The following CAMK1D variants were observed in gnomAD, a reference collection of about 807,000 sequenced individuals.
The protein encoded by CAMK1D is calcium/calmodulin-dependent protein kinase type 1D.
Under a neutral mutation model 47.7 loss-of-function variants are expected in CAMK1D, and 9 were observed. The ratio of observed to expected loss-of-function variants is 0.19; its 90% CI spans 0.11 to 0.33. CAMK1D has a LOEUF of 0.33. Among genes scored for constraint, CAMK1D ranks in the 10% least tolerant of loss-of-function variants. The pLI is 1.00. For synonymous variants in CAMK1D, 184 were observed against 184.9 expected (o/e 0.99, Z 0.04); for missense variants, 291 against 488.7 (o/e 0.60, Z 3.81).
chr10:12,447,562 T>G (rs767412474), intron 1 of CAMK1D, among the ~76,000 whole-genome samples: 2 of 152,128 alleles, frequency 1.3e-5, no homozygotes, highest in Non-Finnish European at 2.9e-5. Context: ...ATTAGCTGAG[T>G]GTAGTTGTGT....
chr10:12,369,050 C>T (rs144769038), intron 1 of CAMK1D, among the ~76,000 whole-genome samples: 51 of 152,218 alleles, frequency 3.4e-4, no homozygotes, highest in Middle Eastern at 6.8e-3. Context: ...CTCCTGACCT[C>T]GTGCTCTGCC....
chr10:12,404,504 GATTT>G (rs998309282), intron 1 of CAMK1D, among the ~76,000 whole-genome samples: 3 of 152,172 alleles, frequency 2.0e-5, no homozygotes, highest in African/African-American at 7.2e-5. Flanking sequence ...TAGTTGCAAA[GATTT>G]AAACAAGTGT....
intron 3 of CAMK1D, among the ~76,000 whole-genome samples, chr10:12,709,068 A>G (rs1011222909): frequency 1.3e-5 from 2 of 152,254 alleles, no homozygotes; most frequent in Non-Finnish European, 2.9e-5. Context: ...GTGGCTACCC[A>G]GGTCCAAGCC....
At chr10:12,430,885 G>GA (rs397750844) in intron 1 of CAMK1D, among the ~76,000 whole-genome samples, 2 of 151,486 alleles carry the variant, frequency 1.3e-5, no homozygotes, top group Non-Finnish European at 2.9e-5. Context: ...TAAGTAGCTG[G>GA]ATTACAGGTG....
At chr10:12,391,260 C>CT (rs537318883) in intron 1 of CAMK1D, among the ~76,000 whole-genome samples, 2 of 151,956 alleles carry the variant, frequency 1.3e-5, no homozygotes, top group South Asian at 2.1e-4. Flanking sequence ...TAGGTGTGCG[C>CT]TTTTTTTTCT....
intron 2 of CAMK1D, among the ~76,000 whole-genome samples, chr10:12,635,717 G>A (rs1448914840): frequency 6.6e-6 from 1 of 152,176 alleles, no homozygotes; most frequent in African/African-American, 2.4e-5. Flanking sequence ...TTGAGGTTAG[G>A]AGTAATGATC....
chr10:12,499,343 G>C (rs916106631), intron 1 of CAMK1D, among the ~76,000 whole-genome samples: 8 of 151,874 alleles, frequency 5.3e-5, no homozygotes, highest in Admixed American at 5.3e-4. Flanking sequence ...TCTCATTCTG[G>C]TAAGAATCCT....
intron 2 of CAMK1D, among the ~76,000 whole-genome samples, chr10:12,588,575 T>C (rs1837889653): frequency 6.6e-6 from 1 of 152,108 alleles, no homozygotes; most frequent in Admixed American, 6.5e-5. Flanking sequence ...AGGAACTTTC[T>C]GTTCCTGGCA....
chr10:12,709,362 A>C (rs1482096998), intron 3 of CAMK1D, among the ~76,000 whole-genome samples: 1 of 152,036 alleles, frequency 6.6e-6, no homozygotes, highest in Middle Eastern at 3.2e-3. Context: ...CAGTGGCTGC[A>C]GAAGGCACCA....
intron 6 of CAMK1D, among the ~76,000 whole-genome samples, chr10:12,794,460 G>GCTCT (rs1838107487): frequency 6.6e-6 from 1 of 152,146 alleles, no homozygotes; most frequent in Admixed American, 6.5e-5. Flanking sequence ...CCAGGATAGA[G>GCTCT]ATCCTGGCAC....
chr10:12,568,496 TCTC>T (rs1300463363), intron 2 of CAMK1D, among the ~76,000 whole-genome samples: 2 of 105,954 alleles, frequency 1.9e-5, no homozygotes, highest in Non-Finnish European at 3.8e-5. Context: ...TCTCTCTCTC[TCTC>T]CTCCTCCCTC....
At chr10:12,409,337 T>C (rs1187416419) in intron 1 of CAMK1D, among the ~76,000 whole-genome samples, 1 of 152,166 alleles carries the variant, frequency 6.6e-6, no homozygotes, top group Non-Finnish European at 1.5e-5. Flanking sequence ...TGAAAATGAC[T>C]ACAGATGAAT....
intron 1 of CAMK1D, among the ~76,000 whole-genome samples, chr10:12,385,954 C>T (rs1216492223): frequency 1.3e-5 from 2 of 152,134 alleles, no homozygotes; most frequent in African/African-American, 4.8e-5. Context: ...GCATGTTGGT[C>T]ACGCTGGTCT....
At chr10:12,739,165 A>G (rs1417303417) in intron 3 of CAMK1D, among the ~76,000 whole-genome samples, 2 of 152,110 alleles carry the variant, frequency 1.3e-5, no homozygotes, top group Non-Finnish European at 2.9e-5. Flanking sequence ...TAAGCCCAGA[A>G]GGCGGAGATT....
At chr10:12,443,969 A>G (rs1448522656) in intron 1 of CAMK1D, among the ~76,000 whole-genome samples, 1 of 152,172 alleles carries the variant, frequency 6.6e-6, no homozygotes, top group Non-Finnish European at 1.5e-5. Flanking sequence ...ATGATATGCT[A>G]AACAAGGGAC....
At position 12,605,223 on chromosome 10, in the gene CAMK1D, G is replaced by A. The variant is rs375138085; in HGVS notation, c.224+51867G>A. 1.1e-4 allele frequency among the ~76,000 whole-genome samples: 17 copies of A among 152,196 alleles called. No homozygotes were observed. The East Asian group carries it at 2.5e-3, about 23-fold the overall frequency. The stretch of plus-strand genomic sequence containing the variant: ...TTTTATTTTACAGAGAAAATAACAG[G>A]CCTGGCTCCATGAAGGCCATGAGGC... On this transcript the variant is annotated intron_variant, in intron 2 of 10. Transcript: ENST00000619168.
chr10:12,811,626 A>G (rs774371876), intron 6 of CAMK1D, among the ~76,000 whole-genome samples: 2 of 152,384 alleles, frequency 1.3e-5, no homozygotes, highest in Non-Finnish European at 2.9e-5. Flanking sequence ...ACTGGAATAT[A>G]CATTTAAAAA....
In CAMK1D at chr10:12,400,447, G is replaced by T. The variant is rs546332619; in HGVS notation, c.92+50537G>T. 2.6e-5 allele frequency among the ~76,000 whole-genome samples: 4 copies of T among 152,212 alleles called. No homozygotes were observed. In the South Asian group the frequency reaches 8.3e-4, roughly 32 times the overall value. The stretch of plus-strand genomic sequence containing the variant: ...TTATTTGACTATAGCTTATATCACC[G>T]GAAGATAAAAGACCTCAGAAGAGGA... On this transcript the variant is annotated intron_variant, in intron 1 of 10. Coordinates refer to ENST00000619168, the MANE Select transcript of CAMK1D (RefSeq NM_153498.4).
At chr10:12,508,626 A>G (rs1468264591) in intron 1 of CAMK1D, among the ~76,000 whole-genome samples, 1 of 152,224 alleles carries the variant, frequency 6.6e-6, no homozygotes, top group Non-Finnish European at 1.5e-5. Context: ...ACAGCTGAAA[A>G]TGGTAAAAAT....
Sources: gnomAD v4.1 joint callset for allele counts (sites outside exome capture counted in the v4.1 genomes callset) on GRCh38, gnomAD v4.1.1 for gene constraint, MANE v1.5 for transcripts, NCBI Gene and HGNC (gene_info 2026-07-23, HGNC 2026-07-21) for gene names.